NRG2: variants seen among roughly 807,000 people sequenced by gnomAD.
The protein encoded by NRG2 is pro-neuregulin-2, membrane-bound isoform.
NRG2 carries 27 observed loss-of-function variants against 73.9 expected under a neutral mutation model. The ratio of observed to expected loss-of-function variants is 0.37; its 90% CI spans 0.27 to 0.50. The LOEUF (loss-of-function observed/expected upper bound fraction) is 0.50, where lower values mean the gene tolerates loss of function less well. Ranked by LOEUF, NRG2 falls within the 20% of genes least tolerant of loss-of-function variation. The pLI is 0.96. For missense variants in NRG2, 1,126 were observed against 1,210.1 expected (o/e 0.93, Z 1.03); for synonymous variants, 532 against 541.0 (o/e 0.98, Z 0.23).
chr5:139,887,868 G>A lies in NRG2; in HGVS notation c.701-357C>T, dbSNP rs1333394721. ...GGAATGGTGAAGTCACTTCCCTAAG[G>A]GCAGATGATGGAACTGGGATTCAAA... On this transcript the variant is annotated intron_variant, in intron 1 of 9. Transcript: ENST00000361474. This position sits in a 1 kb window ranked among gnomAD's most constrained non-coding sequence, Gnocchi z 4.5. Among the ~76,000 whole-genome samples the A allele has an allele frequency of 6.6e-6, 1 of 152,046 alleles. No individual in the cohort carries two copies. The highest frequency in any genetic ancestry group is 2.4e-5 in the African/African-American group (1 of 41,390).
chr5:139,964,377 C>G (rs1263315799), intron 1 of NRG2, among the ~76,000 whole-genome samples: 1 of 151,782 alleles, frequency 6.6e-6, no homozygotes, highest in African/African-American at 2.4e-5. Flanking sequence ...CACACACACA[C>G]ACACACACAC....
intron 1 of NRG2, among the ~76,000 whole-genome samples, chr5:139,989,937 C>T (rs2916090): frequency 0.37 from 54,754 of 149,482 alleles, 12,599 homozygotes; most frequent in African/African-American, 0.63. Flanking sequence ...TACAGGTGCC[C>T]ACCACCACGC....
At chr5:140,029,642 C>G (rs566935151) in intron 1 of NRG2, among the ~76,000 whole-genome samples, 1 of 140,946 alleles carries the variant, frequency 7.1e-6, no homozygotes, top group Non-Finnish European at 1.5e-5. Flanking sequence ...GAGCTGAGAT[C>G]GTACCACTGC....
intron 1 of NRG2, among the ~76,000 whole-genome samples, chr5:139,999,236 A>G (rs1386653564): frequency 6.6e-6 from 1 of 152,180 alleles, no homozygotes; most frequent in East Asian, 1.9e-4. Context: ...TTCCTGCCTC[A>G]TTCCCCTTAT....
rs975868700 is a variant in NRG2, at chr5:139,894,751, G to A, written c.701-7240C>T. Among the ~76,000 whole-genome samples, 12 of 152,158 alleles carry A rather than the reference G, an allele frequency of 7.9e-5. No homozygotes were observed. The highest frequency in any genetic ancestry group is 2.7e-4 in the African/African-American group (11 of 41,432). Reference sequence around the variant, plus strand: ...GTACGAGGCACTTACCAGTCACCAGGGATTTGGTGCCAAATAAGACATGGC... The same window carrying A: ...GTACGAGGCACTTACCAGTCACCAGAGATTTGGTGCCAAATAAGACATGGC... On this transcript the variant is annotated intron_variant, in intron 1 of 9. Coordinates refer to ENST00000361474, the MANE Select transcript of NRG2 (RefSeq NM_004883.3). The surrounding 1 kb of genome is among the most constrained non-coding windows in gnomAD (Gnocchi z 5.0).
At chr5:139,874,641 G>A (rs564237235) in intron 3 of NRG2, among the ~76,000 whole-genome samples, 1 of 152,214 alleles carries the variant, frequency 6.6e-6, no homozygotes, top group East Asian at 1.9e-4. Context: ...CTTTGCAGCA[G>A]CCACAGTGGT....
chr5:139,873,920 C>A (rs1763015420), intron 3 of NRG2, among the ~76,000 whole-genome samples: 1 of 152,230 alleles, frequency 6.6e-6, no homozygotes, highest in Non-Finnish European at 1.5e-5. Flanking sequence ...ATGCATTGAG[C>A]CTGCGCTGCC....
chr5:140,034,438 C>G (rs1761364525), intron 1 of NRG2, among the ~76,000 whole-genome samples: 1 of 152,018 alleles, frequency 6.6e-6, no homozygotes, highest in African/African-American at 2.4e-5. Context: ...AAAAGAATGT[C>G]TGCTCTTACC....
intron 1 of NRG2, among the ~76,000 whole-genome samples, chr5:139,991,094 T>C (rs1455260381): frequency 2.6e-5 from 4 of 152,018 alleles, no homozygotes; most frequent in African/African-American, 9.7e-5. Context: ...GCCAAGATGG[T>C]GAAACCCCAT....
intron 3 of NRG2, among the ~76,000 whole-genome samples, chr5:139,875,992 C>T (rs1763153800): frequency 6.6e-6 from 1 of 152,258 alleles, no homozygotes; most frequent in South Asian, 2.1e-4. Flanking sequence ...CTAGGTGTAT[C>T]CCCAAGAGAT....
chr5:139,872,674 G>A (rs965784213), intron 3 of NRG2, among the ~76,000 whole-genome samples: 6 of 152,120 alleles, frequency 3.9e-5, no homozygotes, highest in Non-Finnish European at 5.9e-5. Flanking sequence ...GTGCAAAACT[G>A]GGGGAGAGCA....
At chr5:139,931,971 T>C (rs1008236646) in intron 1 of NRG2, among the ~76,000 whole-genome samples, 1 of 152,172 alleles carries the variant, frequency 6.6e-6, no homozygotes, top group Non-Finnish European at 1.5e-5. Context: ...AAGGGAACCA[T>C]TGTACAAAGC....
Position 140,005,380 on chromosome 5 carries a change from C to T in NRG2, c.700+36990G>A, listed in dbSNP as rs536292335. Among the ~76,000 whole-genome samples, 49 of 152,302 alleles carry T rather than the reference C, an allele frequency of 3.2e-4. 1 individual carries two copies. Among genetic ancestry groups the T allele is most frequent in the African/African-American group, 1.1e-3 (47 of 41,566 alleles). The stretch of plus-strand genomic sequence containing the variant: ...TCCCCATACTCTCACGCCTCAGCAG[C>T]GTGGCAAAACCAACACTGATCCTCC... On this transcript the variant is annotated intron_variant, in intron 1 of 9. Coordinates refer to ENST00000361474, the MANE Select transcript of NRG2 (RefSeq NM_004883.3).
In NRG2 at chr5:139,939,248, C is replaced by CCTTCCTTCCTTCT. The variant is rs1561694694; in HGVS notation, c.701-51738_701-51737insAGAAGGAAGGAAG. Among the ~76,000 whole-genome samples the CCTTCCTTCCTTCT allele has an allele frequency of 4.2e-4, 58 of 137,752 alleles. 1 individual carries two copies. Among genetic ancestry groups the CCTTCCTTCCTTCT allele is most frequent in the African/African-American group, 1.7e-3 (56 of 32,908 alleles). 90.4% of individuals were successfully genotyped at this position (137,752 alleles called of 152,430 possible). ...CCTTCCTTCCTTCCTTCCTTCCTTT[C>CCTTCCTTCCTTCT]TTTCTTTCTTTCTTTTTCTTTCTTT... On this transcript the variant is annotated intron_variant, in intron 1 of 9. Transcript: ENST00000361474.
chr5:139,946,511 T>C (rs1753810864), intron 1 of NRG2, among the ~76,000 whole-genome samples: 1 of 152,084 alleles, frequency 6.6e-6, no homozygotes, highest in Non-Finnish European at 1.5e-5. Flanking sequence ...GCTCAAACTA[T>C]AAAATTCTCA....
Position 140,016,482 on chromosome 5 carries a change from T to G in NRG2, c.700+25888A>C, listed in dbSNP as rs190729168. Among the ~76,000 whole-genome samples, 253 of 152,342 alleles carry G rather than the reference T, an allele frequency of 1.7e-3. 1 individual carries two copies. The highest frequency in any genetic ancestry group is 5.7e-3 in the African/African-American group (239 of 41,570). ...CCTCAGTTCAGCTGTCATTCATTCA[T>G]AAAATTAAACATATCCTAGTGTCAA... On this transcript the variant is annotated intron_variant, in intron 1 of 9. Transcript: ENST00000361474.
chr5:139,977,196 A>G (rs1211744478), intron 1 of NRG2, among the ~76,000 whole-genome samples: 1 of 152,256 alleles, frequency 6.6e-6, no homozygotes, highest in Admixed American at 6.5e-5. Flanking sequence ...GGGTTGGGAT[A>G]TATGGAACTC....
intron 1 of NRG2, among the ~76,000 whole-genome samples, chr5:140,001,912 G>C (rs1580918069): frequency 6.6e-6 from 1 of 152,160 alleles, no homozygotes; most frequent in East Asian, 1.9e-4. Flanking sequence ...GCCAGGCATA[G>C]TGGCTCATGC....
At chr5:139,848,958 G>A (rs1490198831) in intron 9 of NRG2, among the ~76,000 whole-genome samples, 1 of 152,160 alleles carries the variant, frequency 6.6e-6, no homozygotes, top group African/African-American at 2.4e-5. Flanking sequence ...ATTCCAGATT[G>A]TATCAGTGGG....
Sources: gnomAD v4.1 joint callset for allele counts (sites outside exome capture counted in the v4.1 genomes callset) on GRCh38, gnomAD v4.1.1 for gene constraint, Gnocchi (gnomAD v3.1) non-coding constraint, MANE v1.5 for transcripts, NCBI Gene and HGNC (gene_info 2026-07-23, HGNC 2026-07-21) for gene names.